The following ADH6 variants were observed in gnomAD, a reference collection of about 807,000 sequenced individuals.
ADH6 encodes alcohol dehydrogenase 6.
A neutral mutation model predicts 36.5 loss-of-function variants in ADH6; 34 were observed. The ratio of observed to expected loss-of-function variants is 0.93; its 90% CI spans 0.71 to 1.24. The LOEUF (loss-of-function observed/expected upper bound fraction) is 1.24, where lower values mean the gene tolerates loss of function less well. Ranked by LOEUF, ADH6 falls within the 50% of genes most tolerant of loss-of-function variation. The probability of loss-of-function intolerance (pLI) is 0.00; values close to 1 mark genes in which losing one functional copy is unlikely to be tolerated. For missense variants in ADH6, 440 were observed against 447.0 expected, an observed-to-expected ratio of 0.98 and a Z score of 0.14; for synonymous variants, 161 against 155.5, an observed-to-expected ratio of 1.04 and a Z score of -0.26.
Position 99,213,629 on chromosome 4 carries a change from TCTCCAATA to T in ADH6, c.231_238del (p.Ser77ArgfsTer10). 1 of 1,612,460 alleles carries T rather than the reference TCTCCAATA, an allele frequency of 6.2e-7. No homozygotes were observed. Among genetic ancestry groups the T allele is most frequent in the Non-Finnish European group, 8.5e-7 (1 of 1,179,476 alleles). On this transcript the variant is annotated frameshift_variant, in exon 3 of 9. Coordinates refer to ENST00000394899, the MANE Select transcript of ADH6 (RefSeq NM_001102470.2). LOFTEE classifies it high-confidence loss of function. ...ACCTGGTTTCACTGTGCTTACTCCT[TCTCCAATA>T]CTCTCAACGATTCCAGCCCCTTCAT...
chr4:99,204,693 G>A, intron 8 of ADH6: 1 of 1,238,082 alleles, frequency 8.1e-7, no homozygotes, highest in Non-Finnish European at 1.0e-6. Context: ...AATGCTAATG[G>A]CAAAAGTAAC....
At chr4:99,217,524 C>G (rs1164462700) in intron 1 of ADH6, among the ~76,000 whole-genome samples, 1 of 152,180 alleles carries the variant, frequency 6.6e-6, no homozygotes, top group Non-Finnish European at 1.5e-5. Flanking sequence ...TCAGTTCTAT[C>G]CCTGTTGCTG....
Position 99,216,258 on chromosome 4 carries a change from A to T in ADH6, c.23T>A (p.Ile8Asn), listed in dbSNP as rs753141701. The T allele has an allele frequency of 1.9e-6, 3 of 1,561,974 alleles. No individual in the cohort carries two copies. The highest frequency in any genetic ancestry group is 2.6e-6 in the Non-Finnish European group (3 of 1,155,964). ...CCAGAGTATGGCTGCTTTGCATCTGATGACCTGGGAAATAGAATACAGGGG... is the reference window on the plus strand; with the variant it reads ...CCAGAGTATGGCTGCTTTGCATCTGTTGACCTGGGAAATAGAATACAGGGG... MSTTGQV[I>N]RCKAAILWKP... is the part of the protein sequence containing the mutation. Residue 8 changes from isoleucine (I) to asparagine (N), a missense_variant, in exon 2 of 9, where the codon ATC becomes AAC. Physicochemically the swap from Ile to Asn is moderately radical, Grantham distance 149 (BLOSUM62 -3). Coordinates refer to ENST00000394899, the MANE Select transcript of ADH6 (RefSeq NM_001102470.2).
Position 99,213,650 on chromosome 4 carries a change from C to G in ADH6, c.218G>C (p.Gly73Ala). 1 of 1,613,848 alleles carries G rather than the reference C, an allele frequency of 6.2e-7. No individual in the cohort carries two copies. Residue 73 changes from glycine to alanine, a missense_variant, in exon 3 of 9, where the codon GGA becomes GCA. Gly to Ala is a moderately conservative substitution (Grantham distance 60). Coordinates refer to ENST00000394899, the MANE Select transcript of ADH6 (RefSeq NM_001102470.2). ...YPTILGHEGA[G>A]IVESIGEGVS... ...TCCTTCTCCAATACTCTCAACGATT[C>G]CAGCCCCTTCATGGCCCAAGATGGT...
chr4:99,216,858 G>T (rs966391419), intron 1 of ADH6, among the ~76,000 whole-genome samples: 8 of 150,466 alleles, frequency 5.3e-5, no homozygotes, highest in Non-Finnish European at 8.9e-5. Flanking sequence ...AAAAAAAATT[G>T]TGCCTATTTA....
chr4:99,209,729 G>GTC (rs1731158360), intron 5 of ADH6, among the ~76,000 whole-genome samples: 1 of 151,996 alleles, frequency 6.6e-6, no homozygotes, highest in African/African-American at 2.4e-5. Flanking sequence ...CTAGCACCTG[G>GTC]GACAGTGAAT....
At chr4:99,212,447 T>G (rs140459553) in intron 3 of ADH6, among the ~76,000 whole-genome samples, 1,903 of 152,258 alleles carry the variant, frequency 0.012, 27 homozygotes, top group Admixed American at 0.021. Flanking sequence ...GTAATTAACA[T>G]GTTAAACACT....
intron 1 of ADH6, among the ~76,000 whole-genome samples, chr4:99,216,939 A>G (rs920430958): frequency 1.3e-5 from 2 of 152,180 alleles, no homozygotes; most frequent in Non-Finnish European, 2.9e-5. Context: ...CAGGGTGTCC[A>G]TTATCTGAGT....
chr4:99,208,412 T>A (rs1731110074), intron 6 of ADH6: 1 of 355,400 alleles, frequency 2.8e-6, no homozygotes, highest in African/African-American at 2.1e-5. Context: ...CATTGATTTA[T>A]AAGGTCATTA....
chr4:99,204,903 A>G (rs764354500), intron 8 of ADH6, 22 bp downstream of exon 8: 1 of 1,595,204 alleles, frequency 6.3e-7, no homozygotes, highest in African/African-American at 1.3e-5. Context: ...ACACAGACAT[A>G]AAATTTATGT....
chr4:99,207,599 A>G lies in ADH6; in HGVS notation c.829-18T>C. ...GCAGCTGCCTGTTAGAAAGTGATGC[A>G]ATACAGTATAGGGGTTAAAAGATGT... On this transcript the variant is annotated intron_variant, in intron 6 of 8. Transcript: ENST00000394899. The G allele has an allele frequency of 6.2e-7, 1 of 1,611,352 alleles. No individual in the cohort carries two copies. Among genetic ancestry groups the G allele is most frequent in the Non-Finnish European group, 8.5e-7 (1 of 1,178,200 alleles).
intron 2 of ADH6, chr4:99,215,832 G>C (rs899197176): frequency 1.9e-5 from 3 of 158,922 alleles, no homozygotes; most frequent in Non-Finnish European, 4.1e-5. Context: ...TTCAAGACAA[G>C]TATTATGAAG....
rs141483445 is a variant in ADH6 at position 99,207,077 on chromosome 4, G to A, written c.964+369C>T. On this transcript the variant is annotated intron_variant, in intron 7 of 8. Coordinates refer to ENST00000394899, the MANE Select transcript of ADH6 (RefSeq NM_001102470.2). ...TAAGATTTTACATGAGTTGAACAAT[G>A]ACAACTAATGGCTAAGTATATTCTC... Among the ~76,000 whole-genome samples, 9 of 152,144 alleles carry A rather than the reference G, an allele frequency of 5.9e-5. No individual in the cohort carries two copies. In the East Asian group the frequency reaches 1.7e-3, roughly 29 times the overall value.
intron 8 of ADH6, 158 bp from the exon 9 acceptor site, chr4:99,204,401 A>C (rs1730947855): frequency 7.1e-7 from 1 of 1,412,600 alleles, no homozygotes; most frequent in Non-Finnish European, 9.1e-7. Flanking sequence ...GATTTTTTAA[A>C]ATGACATGAA....
chr4:99,210,330 A>C (rs777065676), intron 4 of ADH6, 32 bp from the exon 5 acceptor site: 5 of 1,604,354 alleles, frequency 3.1e-6, no homozygotes, highest in Non-Finnish European at 4.3e-6. Context: ...ACAAAACACA[A>C]AGTTTATTTT....
intron 6 of ADH6, 102 bp downstream of exon 6, chr4:99,208,566 A>T: frequency 1.5e-6 from 2 of 1,363,264 alleles, no homozygotes; most frequent in Non-Finnish European, 2.0e-6. Flanking sequence ...AAGGAAAATT[A>T]AATAGAGCAA....
chr4:99,213,069 T>C (rs1369222615), intron 3 of ADH6, among the ~76,000 whole-genome samples: 1 of 152,170 alleles, frequency 6.6e-6, no homozygotes, highest in Non-Finnish European at 1.5e-5. Context: ...TAGATGCATG[T>C]ATAATTTTTT....
In ADH6 at chr4:99,216,759, C is replaced by T. The variant is rs558723411; in HGVS notation, c.19-497G>A. ...ACTCAGGAGGCTGAGGCAGGAGAATCGCTTGAACCTGGGAGACGGAAGTTG... is the reference window on the plus strand; with the variant it reads ...ACTCAGGAGGCTGAGGCAGGAGAATTGCTTGAACCTGGGAGACGGAAGTTG... On this transcript the variant is annotated intron_variant, in intron 1 of 8. Coordinates refer to ENST00000394899, the MANE Select transcript of ADH6 (RefSeq NM_001102470.2). 3.3e-5 allele frequency among the ~76,000 whole-genome samples: 5 copies of T among 151,578 alleles called. No individual in the cohort carries two copies. In the East Asian group the frequency reaches 5.9e-4, roughly 18 times the overall value.
At chr4:99,212,708 C>A (rs1731266698) in intron 3 of ADH6, among the ~76,000 whole-genome samples, 1 of 151,438 alleles carries the variant, frequency 6.6e-6, no homozygotes, top group Non-Finnish European at 1.5e-5. Flanking sequence ...GTGTTTAAAG[C>A]ATTCATATAT....
Sources: allele counts gnomAD v4.1 joint callset (sites outside exome capture counted in the v4.1 genomes callset), GRCh38; gene constraint gnomAD v4.1.1; transcripts MANE v1.5; gene names NCBI Gene and HGNC (gene_info 2026-07-23, HGNC 2026-07-21).